MEGF8: variants seen among roughly 807,000 people sequenced by gnomAD.
MEGF8 encodes the protein multiple EGF like domains 8, also known as multiple epidermal growth factor-like domains protein 8.
In MEGF8, 156 loss-of-function variants were observed where a neutral mutation model predicts 302.9. The ratio of observed to expected loss-of-function variants is 0.52; its 90% CI spans 0.45 to 0.59. MEGF8 has a LOEUF of 0.59. Among genes scored for constraint, MEGF8 ranks in the 20% least tolerant of loss-of-function variants. The pLI is 0.00. For synonymous variants in MEGF8, 1,621 were observed against 1,660.5 expected, an observed-to-expected ratio of 0.98 and a Z score of 0.58; for missense variants, 3,345 against 3,964.5, an observed-to-expected ratio of 0.84 and a Z score of 4.20.
At chr19:42,349,378 A>G in intron 13 of MEGF8, 121 bp from the exon 14 acceptor site, 1 of 772,734 alleles carries the variant, frequency 1.3e-6, no homozygotes, top group Non-Finnish European at 2.0e-6. Context: ...GGATCTAAGG[A>G]GCTCTGAGGC....
chr19:42,339,569 T>A (rs1006141194), intron 8 of MEGF8, among the ~76,000 whole-genome samples: 3 of 152,250 alleles, frequency 2.0e-5, no homozygotes, highest in Non-Finnish European at 2.9e-5. Context: ...GGGTTGTTTT[T>A]TGCTTGTTAG....
chr19:42,371,310 C>T lies in MEGF8; in HGVS notation c.7137-40C>T, dbSNP rs145290514. The T allele has an allele frequency of 1.2e-5, 20 of 1,608,460 alleles. No homozygotes were observed. The Middle Eastern group carries it at 9.9e-4, about 80-fold the overall frequency. On this transcript the variant is annotated intron_variant, in intron 40 of 41. Coordinates refer to ENST00000251268, the MANE Select transcript of MEGF8 (RefSeq NM_001271938.2). The stretch of plus-strand genomic sequence containing the variant: ...ATGGGGTGTCCATCCTGGACCACTG[C>T]AGGCCATGGGGGCTCCGTAACCCTC...
intron 40 of MEGF8, 56 bp from the exon 41 acceptor site, chr19:42,371,294 C>A (rs893336230): frequency 1.3e-6 from 2 of 1,594,876 alleles, no homozygotes; most frequent in Admixed American, 3.5e-5. Flanking sequence ...TATGGGGTGT[C>A]CATCCTGGAC....
Position 42,353,340 on chromosome 19 carries a change from T to A in MEGF8, c.3551-125T>A. Reference sequence around the variant, plus strand: ...CCCTCTTGGGACTTGCTGTTTCCCCTGATCTGGGCCTTGGTTTCTCACCTT... The same window carrying A: ...CCCTCTTGGGACTTGCTGTTTCCCCAGATCTGGGCCTTGGTTTCTCACCTT... On this transcript the variant is annotated intron_variant, in intron 20 of 41. Coordinates refer to ENST00000251268, the MANE Select transcript of MEGF8 (RefSeq NM_001271938.2). The surrounding 1 kb of genome is among the most constrained non-coding windows in gnomAD (Gnocchi z 6.1). 8.3e-7 allele frequency: 1 copy of A among 1,204,356 alleles called. No homozygotes were observed. The highest frequency in any genetic ancestry group is 1.2e-6 in the Non-Finnish European group (1 of 866,672). The allele number at this position is 1,204,356 out of a possible 1,614,324, so 74.6% of individuals were successfully genotyped here.
chr19:42,331,858 C>A (rs1027705816), intron 1 of MEGF8, among the ~76,000 whole-genome samples: 1 of 147,694 alleles, frequency 6.8e-6, no homozygotes, highest in East Asian at 2.0e-4. Flanking sequence ...GCGTGACCCA[C>A]GGCACCCAGC....
At chr19:42,360,012 CAG>C (rs973139843) in intron 31 of MEGF8, among the ~76,000 whole-genome samples, 2 of 151,880 alleles carry the variant, frequency 1.3e-5, no homozygotes, top group Non-Finnish European at 2.9e-5. Flanking sequence ...ATTCAGTAGA[CAG>C]AGACTACTTC....
chr19:42,368,836 G>C lies in MEGF8; in HGVS notation c.6482-7G>C. On this transcript the variant is annotated splice_region_variant and splice_polypyrimidine_tract_variant and intron_variant, in intron 36 of 41. Coordinates refer to ENST00000251268, the MANE Select transcript of MEGF8 (RefSeq NM_001271938.2). This position sits in a 1 kb window ranked among gnomAD's most constrained non-coding sequence, Gnocchi z 4.9. ...GTCCAGGTAAAATGCTATATCCCCG[G>C]TGCTAGGGCTGACATGTGGGCGTCC... is the stretch of plus-strand genomic sequence containing the variant. 1.2e-6 allele frequency: 2 copies of C among 1,613,146 alleles called. No homozygotes were observed. Among genetic ancestry groups the C allele is most frequent in the South Asian group, 1.1e-5 (1 of 91,016 alleles).
intron 1 of MEGF8, among the ~76,000 whole-genome samples, chr19:42,328,567 A>AGTGTGT (rs113567438): frequency 2.7e-4 from 39 of 146,712 alleles, no homozygotes; most frequent in East Asian, 2.4e-3. Flanking sequence ...CAGAATAGGA[A>AGTGTGT]GTGTGTGTGT....
Position 42,363,263 on chromosome 19 carries a change from G to A in MEGF8, c.6273+1G>A. ...TGTTTGGAGCAGCAGCCTGCAGCAG[G>A]TACTGCACCTGGCCAGGACCGTGCC... On this transcript the variant is annotated splice_donor_variant, in intron 35 of 41. Transcript: ENST00000251268. LOFTEE classifies it high-confidence loss of function. 2 of 1,588,342 alleles carry A rather than the reference G, an allele frequency of 1.3e-6. No homozygotes were observed. The highest frequency in any genetic ancestry group is 1.7e-6 in the Non-Finnish European group (2 of 1,167,494).
At position 42,356,538 on chromosome 19, in the gene MEGF8, A is replaced by G; in HGVS notation, c.4622+85A>G. 1 of 1,163,794 alleles carries G rather than the reference A, an allele frequency of 8.6e-7. No homozygotes were observed. Among genetic ancestry groups the G allele is most frequent in the Non-Finnish European group, 1.2e-6 (1 of 841,882 alleles). The allele number at this position is 1,163,794 out of a possible 1,614,324, so 72.1% of individuals were successfully genotyped here. A position where few individuals can be genotyped will look rare whatever the true frequency, so the allele number is the denominator to read the frequency against. ...AAGAGTCACCTCAGAGGAGTGCAGA[A>G]AAGCCTCTAAGGTAAAGGACAGCCC... On this transcript the variant is annotated intron_variant, in intron 26 of 41. Transcript: ENST00000251268. The surrounding 1 kb of genome is among the most constrained non-coding windows in gnomAD (Gnocchi z 5.2).
chr19:42,365,345 G>C (rs963735702), intron 35 of MEGF8, among the ~76,000 whole-genome samples: 2 of 152,074 alleles, frequency 1.3e-5, no homozygotes, highest in African/African-American at 4.8e-5. Context: ...GGTGGCAAGG[G>C]GAAGAGGTGG....
In MEGF8 at chr19:42,334,201, C is replaced by A; in HGVS notation, c.546C>A (p.Gly182=). ...QECSAYCGSH[G]TCASPLGPCR... ...GCTCAGCCTACTGTGGCAGCCACGG[C>A]ACCTGCGCCTCGGTGAGCCGGTCCC... The change falls in exon 3 of 42, where the codon GGC becomes GGA. Residue 182 remains glycine, a synonymous_variant. Coordinates refer to ENST00000251268, the MANE Select transcript of MEGF8 (RefSeq NM_001271938.2). 7 of 1,599,622 alleles carry A rather than the reference C, an allele frequency of 4.4e-6. No homozygotes were observed. The highest frequency in any genetic ancestry group is 6.0e-6 in the Non-Finnish European group (7 of 1,172,112).
At chr19:42,374,386 G>A (rs1001499208) in intron 41 of MEGF8, among the ~76,000 whole-genome samples, 3 of 150,278 alleles carry the variant, frequency 2.0e-5, no homozygotes, top group South Asian at 2.1e-4. Flanking sequence ...CAGGAGAATC[G>A]CTTGAACCCG....
rs749772025 is a variant in MEGF8 at position 42,363,093 on chromosome 19, C to T, written c.6104C>T (p.Thr2035Met). 5.0e-6 allele frequency: 8 copies of T among 1,613,230 alleles called. No individual in the cohort carries two copies. The highest frequency in any genetic ancestry group is 1.3e-5 in the African/African-American group (1 of 74,856). ...TCCGTGCAGCCCACCTATGACTGGA[C>T]GTGCTTCAGCCACTCTCTGCTGAAT... Reference protein sequence around the residue: ...ILSVQPTYDWTCFSHSLLNVS... With the variant: ...ILSVQPTYDWMCFSHSLLNVS... Residue 2035 changes from threonine to methionine, a missense_variant, in exon 35 of 42, where the codon ACG (threonine) becomes ATG (methionine). Coordinates refer to ENST00000251268, the MANE Select transcript of MEGF8 (RefSeq NM_001271938.2).
intron 1 of MEGF8, among the ~76,000 whole-genome samples, chr19:42,328,281 C>T (rs2039011104): frequency 6.6e-6 from 1 of 152,158 alleles, no homozygotes; most frequent in Admixed American, 6.5e-5. Context: ...AAAAGCTGGC[C>T]TCCAGACAGG....
At position 42,351,368 on chromosome 19, in the gene MEGF8, G is replaced by T; in HGVS notation, c.2855+34G>T. On this transcript the variant is annotated intron_variant, in intron 16 of 41. Coordinates refer to ENST00000251268, the MANE Select transcript of MEGF8 (RefSeq NM_001271938.2). The surrounding 1 kb of genome is among the most constrained non-coding windows in gnomAD (Gnocchi z 5.6). ...GGCTGGGTGCAGGGAGTGGGTGGGT[G>T]GATGTGCCTGGGGATGTGTGCTGGC... The T allele has an allele frequency of 6.4e-7, 1 of 1,568,734 alleles. No homozygotes were observed. The highest frequency in any genetic ancestry group is 8.6e-7 in the Non-Finnish European group (1 of 1,156,800).
intron 5 of MEGF8, among the ~76,000 whole-genome samples, chr19:42,335,696 T>C (rs1242177369): frequency 6.6e-6 from 1 of 152,238 alleles, no homozygotes; most frequent in Non-Finnish European, 1.5e-5. Flanking sequence ...TCTGTTTCTC[T>C]CTGCCATTTG....
chr19:42,361,630 G>A (rs1161940528), intron 32 of MEGF8, among the ~76,000 whole-genome samples: 1 of 152,182 alleles, frequency 6.6e-6, no homozygotes, highest in Admixed American at 6.5e-5. Flanking sequence ...TGAAACGTGT[G>A]TACCTCTTGG....
intron 1 of MEGF8, among the ~76,000 whole-genome samples, chr19:42,331,370 A>G (rs1307623590): frequency 1.3e-5 from 2 of 152,132 alleles, no homozygotes; most frequent in Non-Finnish European, 2.9e-5. Context: ...GGTCATGGGC[A>G]GAGCCAGAGC....
Sources: allele counts gnomAD v4.1 joint callset (sites outside exome capture counted in the v4.1 genomes callset), GRCh38; gene constraint gnomAD v4.1.1; non-coding constraint Gnocchi (gnomAD v3.1); transcripts MANE v1.5; gene names NCBI Gene and HGNC (gene_info 2026-07-23, HGNC 2026-07-21).